The following SYN3 variants were observed in gnomAD, a reference collection of about 807,000 sequenced individuals.
The protein encoded by SYN3 is synapsin III, also known as synapsin-3.
In SYN3, 35 loss-of-function variants were observed where a neutral mutation model predicts 65.8. That is an observed-to-expected ratio of 0.53 (90% CI 0.41 to 0.70). The LOEUF (loss-of-function observed/expected upper bound fraction) is 0.70. Among genes scored for constraint, SYN3 ranks in the 30% least tolerant of loss-of-function variants. The probability of loss-of-function intolerance (pLI) is 0.00; values close to 1 mark genes in which losing one functional copy is unlikely to be tolerated. For synonymous variants in SYN3, 270 were observed against 292.9 expected (o/e 0.92, Z 0.80); for missense variants, 680 against 749.0 (o/e 0.91, Z 1.08).
At chr22:33,052,597 A>AG (rs2054188640) in intron 1 of SYN3, among the ~76,000 whole-genome samples, 1 of 149,038 alleles carries the variant, frequency 6.7e-6, no homozygotes, top group African/African-American at 2.5e-5. Context: ...AAAAAAAAAA[A>AG]GAGAGAGAGA....
chr22:32,626,393 T>G (rs982151775), intron 6 of SYN3, among the ~76,000 whole-genome samples: 1 of 152,184 alleles, frequency 6.6e-6, no homozygotes, highest in Non-Finnish European at 1.5e-5. Context: ...AAAGATGGGC[T>G]GCGGTCATTT....
intron 6 of SYN3, among the ~76,000 whole-genome samples, chr22:32,643,564 G>T (rs942183961): frequency 2.1e-5 from 2 of 95,582 alleles, no homozygotes; most frequent in Non-Finnish European, 4.2e-5. Flanking sequence ...GGGCGGGGGG[G>T]GCAGAACAGA....
At chr22:32,951,823 C>T (rs2051299209) in intron 3 of SYN3, among the ~76,000 whole-genome samples, 1 of 152,190 alleles carries the variant, frequency 6.6e-6, no homozygotes. Flanking sequence ...CCTACAGTCG[C>T]CCTTGTCTTT....
chr22:32,748,212 T>C (rs2044996176), intron 6 of SYN3, among the ~76,000 whole-genome samples: 1 of 152,200 alleles, frequency 6.6e-6, no homozygotes, highest in Non-Finnish European at 1.5e-5. Context: ...ACAACCTACC[T>C]GAGGTATCTT....
At chr22:32,564,078 T>C (rs2058624724) in intron 7 of SYN3, among the ~76,000 whole-genome samples, 1 of 152,080 alleles carries the variant, frequency 6.6e-6, no homozygotes, top group Admixed American at 6.5e-5. Flanking sequence ...TAGGCAGTGA[T>C]TGTTGCAGTT....
At chr22:32,631,675 A>G (rs1340193177) in intron 6 of SYN3, among the ~76,000 whole-genome samples, 1 of 152,212 alleles carries the variant, frequency 6.6e-6, no homozygotes, top group Non-Finnish European at 1.5e-5. Flanking sequence ...ACTATGTGCC[A>G]GGCATCAAAG....
intron 6 of SYN3, among the ~76,000 whole-genome samples, chr22:32,600,310 T>A (rs2059263496): frequency 6.6e-6 from 1 of 152,156 alleles, no homozygotes; most frequent in Non-Finnish European, 1.5e-5. Flanking sequence ...CCTATGAGAA[T>A]CTAATGCTGC....
At position 33,024,094 on chromosome 22, in the gene SYN3, G is replaced by A. The variant is rs114881977; in HGVS notation, c.-162-17270C>T. Reference sequence around the variant, plus strand: ...CTTTCCACGGGCAGCAATGTCTGCCGGGCACAGCCTCCTTCTCTTTTGTGG... The same window carrying A: ...CTTTCCACGGGCAGCAATGTCTGCCAGGCACAGCCTCCTTCTCTTTTGTGG... On this transcript the variant is annotated intron_variant, in intron 1 of 13. Coordinates refer to ENST00000358763, the MANE Select transcript of SYN3 (RefSeq NM_003490.4). Among the ~76,000 whole-genome samples the A allele has an allele frequency of 2.5e-3, 378 of 152,156 alleles. 3 individuals carry two copies. The highest frequency in any genetic ancestry group is 0.01 in the Middle Eastern group (3 of 294).
intron 6 of SYN3, among the ~76,000 whole-genome samples, chr22:32,726,151 A>ATTT (rs57175071): frequency 1.9e-4 from 28 of 150,170 alleles, no homozygotes; most frequent in African/African-American, 2.7e-4. Context: ...ATAGATTTTT[A>ATTT]TTTTTTTTTT....
chr22:32,717,253 T>A (rs996197149), intron 6 of SYN3, among the ~76,000 whole-genome samples: 1 of 152,188 alleles, frequency 6.6e-6, no homozygotes, highest in African/African-American at 2.4e-5. Context: ...TCCTGCCTGC[T>A]TCAGGGAAGT....
intron 4 of SYN3, among the ~76,000 whole-genome samples, chr22:32,872,284 T>A (rs890309489): frequency 6.6e-6 from 1 of 152,162 alleles, no homozygotes; most frequent in Non-Finnish European, 1.5e-5. Context: ...AATGAATGCA[T>A]ATATGAACAC....
intron 6 of SYN3, among the ~76,000 whole-genome samples, chr22:32,807,401 ATATAT>A (rs1302991291): frequency 6.5e-5 from 8 of 123,564 alleles, no homozygotes; most frequent in Non-Finnish European, 1.3e-4. Flanking sequence ...TATAATATAT[ATATAT>A]TATATTTACA....
intron 6 of SYN3, among the ~76,000 whole-genome samples, chr22:32,726,881 C>A (rs938439247): frequency 7.9e-5 from 12 of 152,174 alleles, no homozygotes; most frequent in African/African-American, 2.9e-4. Context: ...ACAAAGCACC[C>A]AGAAGATCTT....
chr22:32,822,056 G>A (rs1209860703), intron 6 of SYN3, among the ~76,000 whole-genome samples: 1 of 151,448 alleles, frequency 6.6e-6, no homozygotes, highest in East Asian at 1.9e-4. Context: ...TCGGGAGGCT[G>A]AGGCAGGAGA....
At chr22:33,040,402 C>T (rs1248398501) in intron 1 of SYN3, among the ~76,000 whole-genome samples, 1 of 152,164 alleles carries the variant, frequency 6.6e-6, no homozygotes, top group Non-Finnish European at 1.5e-5. Flanking sequence ...CTCAAACATG[C>T]ATCATGCCTT....
intron 6 of SYN3, among the ~76,000 whole-genome samples, chr22:32,674,050 G>C (rs1328551082): frequency 6.6e-6 from 1 of 152,134 alleles, no homozygotes. Context: ...AGATGGCAAG[G>C]GTGAGAGTGT....
chr22:32,668,814 C>T (rs975113065), intron 6 of SYN3, among the ~76,000 whole-genome samples: 3 of 152,174 alleles, frequency 2.0e-5, no homozygotes, highest in Non-Finnish European at 4.4e-5. Flanking sequence ...CCATCTGCCC[C>T]ATGAAAGGCC....
intron 2 of SYN3, among the ~76,000 whole-genome samples, chr22:32,993,211 T>G (rs1213414369): frequency 6.6e-6 from 1 of 151,712 alleles, no homozygotes; most frequent in Non-Finnish European, 1.5e-5. Context: ...TGATGTATCC[T>G]GAGACTGTTC....
At chr22:33,050,375 C>T (rs910235135) in intron 1 of SYN3, among the ~76,000 whole-genome samples, 1 of 149,068 alleles carries the variant, frequency 6.7e-6, no homozygotes, top group Non-Finnish European at 1.5e-5. Flanking sequence ...CCCAGCTACT[C>T]GGGAGGCTGA....
Sources: allele counts gnomAD v4.1 joint callset (sites outside exome capture counted in the v4.1 genomes callset), GRCh38; gene constraint gnomAD v4.1.1; transcripts MANE v1.5; gene names NCBI Gene and HGNC (gene_info 2026-07-23, HGNC 2026-07-21).